The following CTIF variants were observed in gnomAD, a reference collection of about 807,000 sequenced individuals.
The protein encoded by CTIF is cap binding complex dependent translation initiation factor, also known as CBP80/20-dependent translation initiation factor.
A neutral mutation model predicts 66.0 loss-of-function variants in CTIF; 21 were observed. That is an observed-to-expected ratio of 0.32 (90% CI 0.23 to 0.46). The LOEUF (loss-of-function observed/expected upper bound fraction) is 0.46, where lower values mean the gene tolerates loss of function less well. Ranked by LOEUF, CTIF falls within the 20% of genes least tolerant of loss-of-function variation. The pLI is 1.00. For synonymous variants in CTIF, 345 were observed against 326.4 expected, an observed-to-expected ratio of 1.06 and a Z score of -0.62; for missense variants, 739 against 812.7, an observed-to-expected ratio of 0.91 and a Z score of 1.10.
At chr18:48,568,655 A>G (rs991205114) in intron 1 of CTIF, among the ~76,000 whole-genome samples, 7 of 145,340 alleles carry the variant, frequency 4.8e-5, no homozygotes, top group Non-Finnish European at 1.1e-4. Context: ...AAAAAAAAAA[A>G]AAAAAAAAAA....
chr18:48,699,962 C>G (rs147259002), intron 6 of CTIF, among the ~76,000 whole-genome samples: 73 of 152,368 alleles, frequency 4.8e-4, no homozygotes, highest in African/African-American at 1.7e-3. Context: ...GAGCACACTC[C>G]ACACTGGCTC....
At chr18:48,770,843 A>G (rs1162883993) in intron 9 of CTIF, among the ~76,000 whole-genome samples, 1 of 152,184 alleles carries the variant, frequency 6.6e-6, no homozygotes, top group Non-Finnish European at 1.5e-5. Flanking sequence ...TAATGCATGC[A>G]CGGACCCCAG....
chr18:48,631,767 C>T (rs997047696), intron 2 of CTIF, among the ~76,000 whole-genome samples: 1 of 152,166 alleles, frequency 6.6e-6, no homozygotes, highest in African/African-American at 2.4e-5. Context: ...AAACTTCCCA[C>T]GTTTCCCGCC....
At chr18:48,599,478 T>C (rs2090050963) in intron 1 of CTIF, among the ~76,000 whole-genome samples, 1 of 152,224 alleles carries the variant, frequency 6.6e-6, no homozygotes, top group East Asian at 1.9e-4. Context: ...CCTATTTCTA[T>C]GTATTTTCAT....
intron 1 of CTIF, among the ~76,000 whole-genome samples, chr18:48,596,547 C>T (rs1006963917): frequency 6.6e-6 from 1 of 151,732 alleles, no homozygotes; most frequent in Non-Finnish European, 1.5e-5. Context: ...GTGGCGGGAC[C>T]TTGGCTCACT....
Position 48,859,475 on chromosome 18 carries a change from C to G in CTIF, c.1713C>G (p.Ile571Met). The G allele has an allele frequency of 6.2e-7, 1 of 1,614,192 alleles. No homozygotes were observed. Among genetic ancestry groups the G allele is most frequent in the South Asian group, 1.1e-5 (1 of 91,082 alleles). Residue 571 changes from isoleucine (I) to methionine (M), a missense_variant, in exon 12 of 12, where the codon ATC becomes ATG. Physicochemically the swap from Ile to Met is conservative, Grantham distance 10. This residue lies in a region of CTIF where 210 missense variants were observed against 292.3 expected (regional missense o/e 0.72). Coordinates refer to ENST00000256413, the MANE Select transcript of CTIF (RefSeq NM_014772.3). Reference sequence around the variant, plus strand: ...CCCGGTCGCTGCTCCTAGAGGTCATCGAGCTCCACGCTAACAGCTGGAACC... The same window carrying G: ...CCCGGTCGCTGCTCCTAGAGGTCATGGAGCTCCACGCTAACAGCTGGAACC... The part of the protein sequence containing the change: ...MLTRSLLLEV[I>M]ELHANSWNPL...
At chr18:48,700,901 G>A (rs982128710) in intron 6 of CTIF, among the ~76,000 whole-genome samples, 1 of 152,214 alleles carries the variant, frequency 6.6e-6, no homozygotes, top group Non-Finnish European at 1.5e-5. Flanking sequence ...CTGAGGGTTT[G>A]TTGAGCATCA....
chr18:48,573,337 C>G (rs1287405663), intron 1 of CTIF, among the ~76,000 whole-genome samples: 1 of 152,188 alleles, frequency 6.6e-6, no homozygotes, highest in African/African-American at 2.4e-5. Flanking sequence ...CTCCCCCTCC[C>G]CATTTATTCC....
At chr18:48,764,070 CTCCCCCAGAAT>C (rs943969425) in intron 9 of CTIF, among the ~76,000 whole-genome samples, 5 of 152,148 alleles carry the variant, frequency 3.3e-5, no homozygotes, top group African/African-American at 1.2e-4. Flanking sequence ...TGGACGAACT[CTCCCCCAGAAT>C]TCACTTCTCT....
At chr18:48,570,903 C>G (rs2089401866) in intron 1 of CTIF, among the ~76,000 whole-genome samples, 1 of 152,040 alleles carries the variant, frequency 6.6e-6, no homozygotes, top group Non-Finnish European at 1.5e-5. Context: ...CAGACCTTGT[C>G]CCAGGATTTT....
At chr18:48,686,492 C>A (rs998063586) in intron 6 of CTIF, among the ~76,000 whole-genome samples, 1 of 152,086 alleles carries the variant, frequency 6.6e-6, no homozygotes, top group Non-Finnish European at 1.5e-5. Context: ...TTCTTAGAAG[C>A]CAAGATCGGG....
At chr18:48,685,996 C>T (rs1238081242) in intron 6 of CTIF, among the ~76,000 whole-genome samples, 2 of 152,138 alleles carry the variant, frequency 1.3e-5, no homozygotes, top group African/African-American at 4.8e-5. Flanking sequence ...CTATTTTTCT[C>T]TTTGTAATTA....
intron 10 of CTIF, among the ~76,000 whole-genome samples, chr18:48,841,751 G>A (rs986424498): frequency 1.3e-5 from 2 of 152,104 alleles, no homozygotes; most frequent in African/African-American, 2.4e-5. Context: ...CTCCTCAGCC[G>A]GTGTTATCCC....
At position 48,861,695 on chromosome 18, in the gene CTIF, G is replaced by C. The variant is rs971877558; in HGVS notation, c.*2136G>C. 2.2e-4 allele frequency: 34 copies of C among 152,328 alleles called. No individual in the cohort carries two copies. Among genetic ancestry groups the C allele is most frequent in the African/African-American group, 7.5e-4 (31 of 41,460 alleles). The allele number at this position is 152,328 out of a possible 1,614,324, so 9.4% of individuals were successfully genotyped here. A position where few individuals can be genotyped will look rare whatever the true frequency, so the allele number is the denominator to read the frequency against. On this transcript the variant is annotated 3_prime_UTR_variant, in exon 12 of 12. Coordinates refer to ENST00000256413, the MANE Select transcript of CTIF (RefSeq NM_014772.3). Reference sequence around the variant, plus strand: ...TCCCAGACCCAACGGTGAGCTCAGAGCAAGCTTCACGCAGGACGCTCCGAA... The same window carrying C: ...TCCCAGACCCAACGGTGAGCTCAGACCAAGCTTCACGCAGGACGCTCCGAA...
intron 2 of CTIF, among the ~76,000 whole-genome samples, chr18:48,627,137 A>C (rs1210748735): frequency 6.6e-6 from 1 of 152,234 alleles, no homozygotes. Flanking sequence ...TATGATCTGT[A>C]GGTTTTAATG....
chr18:48,692,341 A>C (rs935025899), intron 6 of CTIF, among the ~76,000 whole-genome samples: 14 of 129,168 alleles, frequency 1.1e-4, no homozygotes, highest in South Asian at 2.1e-4. Context: ...AAAAAACAAA[A>C]AAAAAAAACC....
chr18:48,837,898 C>G (rs2068848823), intron 10 of CTIF, among the ~76,000 whole-genome samples: 1 of 152,148 alleles, frequency 6.6e-6, no homozygotes, highest in African/African-American at 2.4e-5. Context: ...GGCTAAGAAT[C>G]CCCCACACCC....
intron 7 of CTIF, among the ~76,000 whole-genome samples, chr18:48,749,469 G>T (rs974385544): frequency 6.6e-6 from 1 of 152,310 alleles, no homozygotes; most frequent in Admixed American, 6.5e-5. Flanking sequence ...GCATCCTGAG[G>T]TCTCTTCCTT....
chr18:48,685,145 A>G (rs2145195174), intron 6 of CTIF, among the ~76,000 whole-genome samples: 1 of 151,016 alleles, frequency 6.6e-6, no homozygotes, highest in South Asian at 2.1e-4. Context: ...CATTTTGAAT[A>G]GTACAAGCAG....
Sources: gnomAD v4.1 joint callset for allele counts (sites outside exome capture counted in the v4.1 genomes callset) on GRCh38, gnomAD v4.1.1 for gene constraint, gnomAD v4.1.1 regional missense constraint, MANE v1.5 for transcripts, NCBI Gene and HGNC (gene_info 2026-07-23, HGNC 2026-07-21) for gene names.